The following CLASP1 variants were observed in gnomAD, a reference collection of about 807,000 sequenced individuals.
CLASP1 encodes cytoplasmic linker associated protein 1.
Under a neutral mutation model 192.3 loss-of-function variants are expected in CLASP1, and 38 were observed. The observed-to-expected ratio is 0.20, with a 90% CI of 0.15 to 0.26. The LOEUF (loss-of-function observed/expected upper bound fraction) is 0.26. Among genes scored for constraint, CLASP1 ranks in the 10% least tolerant of loss-of-function variants. The pLI is 1.00. For synonymous variants in CLASP1, 691 were observed against 712.8 expected (o/e 0.97, Z 0.49); for missense variants, 1,433 against 1,932.5 (o/e 0.74, Z 4.85).
At chr2:121,555,969 G>A (rs1356635584) in intron 2 of CLASP1, among the ~76,000 whole-genome samples, 6 of 139,174 alleles carry the variant, frequency 4.3e-5, no homozygotes, top group Admixed American at 2.9e-4. Flanking sequence ...GAGCCACGGC[G>A]CCTGCCCCCT....
rs567434591 is a variant in CLASP1 at position 121,591,899 on chromosome 2, T to C, written c.195+13802A>G. Among the ~76,000 whole-genome samples the C allele has an allele frequency of 2.0e-5, 3 of 152,326 alleles. No homozygotes were observed. The South Asian group carries it at 6.2e-4, about 32-fold the overall frequency. On this transcript the variant is annotated intron_variant, in intron 2 of 39. Transcript: ENST00000263710. ...TTCTTTGCCCCTCCCCAAAATCCCA[T>C]GTAAAATGCAGCTGTAGATCAAATA...
intron 34 of CLASP1, among the ~76,000 whole-genome samples, chr2:121,374,952 T>C (rs1017381922): frequency 1.3e-5 from 2 of 152,176 alleles, no homozygotes; most frequent in Admixed American, 1.3e-4. Flanking sequence ...GTTAAGACTT[T>C]GGAGGACTGT....
chr2:121,533,058 G>A (rs1349441120), intron 2 of CLASP1, among the ~76,000 whole-genome samples: 1 of 152,110 alleles, frequency 6.6e-6, no homozygotes, highest in Non-Finnish European at 1.5e-5. Flanking sequence ...TTTATTTGGG[G>A]GAAAGCTGAC....
intron 26 of CLASP1, chr2:121,402,478 T>G: frequency 4.5e-6 from 2 of 445,664 alleles, no homozygotes; most frequent in Non-Finnish European, 8.8e-6. Flanking sequence ...CAGCAACTAT[T>G]CACCACCAGG....
chr2:121,627,521 G>A (rs112397512), intron 1 of CLASP1, among the ~76,000 whole-genome samples: 1 of 152,124 alleles, frequency 6.6e-6, no homozygotes, highest in East Asian at 1.9e-4. Context: ...TAGGAAACAT[G>A]GAAAAAAGAA....
At chr2:121,386,275 T>C (rs1182868425) in intron 32 of CLASP1, among the ~76,000 whole-genome samples, 1 of 152,230 alleles carries the variant, frequency 6.6e-6, no homozygotes, top group Non-Finnish European at 1.5e-5. Flanking sequence ...GATCCTGGTG[T>C]CAGCAGCCCT....
intron 30 of CLASP1, among the ~76,000 whole-genome samples, chr2:121,388,410 T>C (rs2073731257): frequency 6.6e-6 from 1 of 152,214 alleles, no homozygotes; most frequent in South Asian, 2.1e-4. Flanking sequence ...CTTCTACTTT[T>C]ACACCTATAA....
chr2:121,608,822 T>A (rs1453848531), intron 1 of CLASP1, among the ~76,000 whole-genome samples: 3 of 152,124 alleles, frequency 2.0e-5, no homozygotes, highest in Admixed American at 6.6e-5. Context: ...TGAAAAAAAA[T>A]TTCATAGCGT....
At chr2:121,523,868 A>C (rs2094511314) in intron 6 of CLASP1, among the ~76,000 whole-genome samples, 1 of 152,210 alleles carries the variant, frequency 6.6e-6, no homozygotes, top group South Asian at 2.1e-4. Flanking sequence ...CCACAGCATG[A>C]GCTCTCGCTA....
chr2:121,362,982 T>A (rs567506326), intron 37 of CLASP1, among the ~76,000 whole-genome samples, 190 bp downstream of exon 38: 1 of 152,330 alleles, frequency 6.6e-6, no homozygotes, highest in South Asian at 2.1e-4. Context: ...ACAAATGGCA[T>A]TGGCCCTGGA....
At chr2:121,451,494 G>C (rs2085465496) in intron 15 of CLASP1, among the ~76,000 whole-genome samples, 1 of 152,178 alleles carries the variant, frequency 6.6e-6, no homozygotes, top group African/African-American at 2.4e-5. Flanking sequence ...ACTTTAAACT[G>C]TTACCTCATG....
intron 8 of CLASP1, among the ~76,000 whole-genome samples, chr2:121,472,714 A>C (rs2090972326): frequency 6.6e-6 from 1 of 152,192 alleles, no homozygotes; most frequent in Non-Finnish European, 1.5e-5. Flanking sequence ...CCAGGAAGCA[A>C]GGCAGAAAAC....
chr2:121,592,544 T>C (rs963605991), intron 2 of CLASP1, among the ~76,000 whole-genome samples: 1 of 152,176 alleles, frequency 6.6e-6, no homozygotes, highest in Admixed American at 6.5e-5. Flanking sequence ...GAAGCCAACA[T>C]AGGATATACA....
At chr2:121,440,635 G>A (rs548981176) in intron 19 of CLASP1, among the ~76,000 whole-genome samples, 1 of 152,298 alleles carries the variant, frequency 6.6e-6, no homozygotes, top group Non-Finnish European at 1.5e-5. Context: ...AGGCGGCAGT[G>A]AGCCATGATC....
chr2:121,608,489 C>T (rs1184016623), intron 1 of CLASP1, among the ~76,000 whole-genome samples: 1 of 152,172 alleles, frequency 6.6e-6, no homozygotes, highest in East Asian at 1.9e-4. Flanking sequence ...TGTAAGGAAG[C>T]TGGCCTAGCC....
intron 7 of CLASP1, among the ~76,000 whole-genome samples, chr2:121,511,123 G>C (rs1010712539): frequency 6.6e-6 from 1 of 151,822 alleles, no homozygotes; most frequent in African/African-American, 2.4e-5. Context: ...ATTAACTCCA[G>C]GAAAAACAAA....
chr2:121,551,868 C>A (rs1384772541), intron 2 of CLASP1, among the ~76,000 whole-genome samples: 1 of 152,006 alleles, frequency 6.6e-6, no homozygotes, highest in Non-Finnish European at 1.5e-5. Context: ...TCATATGGAA[C>A]CAGAAAAAAA....
At chr2:121,353,539 T>C (rs1437874729) in intron 37 of CLASP1, among the ~76,000 whole-genome samples, 1 of 152,228 alleles carries the variant, frequency 6.6e-6, no homozygotes, top group African/African-American at 2.4e-5. Context: ...TCTATGCCCC[T>C]GGCCAAGTCA....
chr2:121,642,661 G>A (rs945549308), intron 1 of CLASP1, among the ~76,000 whole-genome samples: 2 of 152,114 alleles, frequency 1.3e-5, no homozygotes, highest in African/African-American at 4.8e-5. Context: ...GAATCCGGGA[G>A]GCGGAGGTTG....
Sources: allele counts gnomAD v4.1 joint callset (sites outside exome capture counted in the v4.1 genomes callset), GRCh38; gene constraint gnomAD v4.1.1; transcripts MANE v1.5; gene names NCBI Gene and HGNC (gene_info 2026-07-23, HGNC 2026-07-21).